The following TMEM217 variants were observed in gnomAD, a reference collection of about 807,000 sequenced individuals.
TMEM217 encodes chromosome 6 open reading frame 128.
For synonymous variants in TMEM217, 76 were observed against 88.3 expected (o/e 0.86, Z 0.78); for missense variants, 204 against 248.8 (o/e 0.82, Z 1.21).
chr6:37,239,204 A>G (rs1195350651), intron 1 of TMEM217, among the ~76,000 whole-genome samples: 1 of 151,066 alleles, frequency 6.6e-6, no homozygotes, highest in Non-Finnish European at 1.5e-5. Flanking sequence ...AAATTCAGTC[A>G]TGGGCTGGGC....
intron 1 of TMEM217, among the ~76,000 whole-genome samples, chr6:37,239,694 T>C (rs1764667804): frequency 6.6e-6 from 1 of 152,146 alleles, no homozygotes; most frequent in Non-Finnish European, 1.5e-5. Flanking sequence ...CAGTAGAATA[T>C]GTTGCTGCCA....
intron 1 of TMEM217, among the ~76,000 whole-genome samples, chr6:37,222,836 G>C (rs1763613050): frequency 6.6e-6 from 1 of 152,220 alleles, no homozygotes; most frequent in African/African-American, 2.4e-5. Context: ...GCTTCCACCG[G>C]CTCCATGGAG....
chr6:37,241,738 T>G (rs1044821476), intron 1 of TMEM217, among the ~76,000 whole-genome samples: 11 of 152,188 alleles, frequency 7.2e-5, no homozygotes, highest in African/African-American at 2.7e-4. Flanking sequence ...CAAATGGACA[T>G]TTTGTATATA....
At chr6:37,251,580 GATGTT>G (rs1765402561) in intron 1 of TMEM217, among the ~76,000 whole-genome samples, 1 of 152,166 alleles carries the variant, frequency 6.6e-6, no homozygotes, top group South Asian at 2.1e-4. Context: ...TGTACAGTAT[GATGTT>G]ATTTATAAAG....
chr6:37,222,956 T>C (rs567879124), intron 1 of TMEM217, among the ~76,000 whole-genome samples: 9 of 152,182 alleles, frequency 5.9e-5, no homozygotes, highest in Non-Finnish European at 1.2e-4. Flanking sequence ...ATAGAATTTC[T>C]AGAGATGAAA....
intron 1 of TMEM217, among the ~76,000 whole-genome samples, chr6:37,240,948 G>C (rs1351669154): frequency 1.3e-5 from 2 of 152,072 alleles, no homozygotes; most frequent in East Asian, 3.9e-4. Context: ...GTATCTTATT[G>C]ATTATTCCTA....
intron 1 of TMEM217, among the ~76,000 whole-genome samples, chr6:37,223,675 AT>A (rs1562005685): frequency 6.6e-6 from 1 of 151,660 alleles, no homozygotes; most frequent in East Asian, 1.9e-4. Context: ...TGCCCAGCTA[AT>A]TTTTGCATTT....
intron 1 of TMEM217, among the ~76,000 whole-genome samples, chr6:37,229,712 G>A (rs765682308): frequency 1.3e-4 from 20 of 152,202 alleles, no homozygotes; most frequent in Non-Finnish European, 2.5e-4. Flanking sequence ...CTAAGTTACA[G>A]CCATCTATAG....
intron 1 of TMEM217, among the ~76,000 whole-genome samples, chr6:37,252,830 G>A (rs553183572): frequency 5.3e-5 from 8 of 151,378 alleles, no homozygotes; most frequent in Admixed American, 5.3e-4. Context: ...GATAGAGATG[G>A]GGTTTTGTCA....
intron 1 of TMEM217, among the ~76,000 whole-genome samples, chr6:37,231,780 A>G (rs1359306579): frequency 6.7e-6 from 1 of 148,522 alleles, no homozygotes; most frequent in African/African-American, 2.5e-5. Context: ...TATTTTTTCA[A>G]TGTAGAGATA....
chr6:37,223,014 G>A (rs1054294727), intron 1 of TMEM217, among the ~76,000 whole-genome samples: 3 of 152,194 alleles, frequency 2.0e-5, no homozygotes, highest in Non-Finnish European at 4.4e-5. Context: ...ATGGTAGCAG[G>A]TTGGACACAG....
chr6:37,212,831 C>T (rs1385059706), downstream of TMEM217: 1 of 1,055,370 alleles, frequency 9.5e-7, no homozygotes, highest in East Asian at 2.6e-5. Context: ...GTGACTAGCT[C>T]CGACTTTGAG....
In TMEM217 at chr6:37,247,924, A is replaced by T. The variant is rs1001855446; in HGVS notation, c.-12+9644T>A. Among the ~76,000 whole-genome samples the T allele has an allele frequency of 1.7e-3, 265 of 152,286 alleles. 1 individual carries two copies. Among genetic ancestry groups the T allele is most frequent in the African/African-American group, 6.2e-3 (257 of 41,554 alleles). On this transcript the variant is annotated intron_variant, in intron 1 of 1. Transcript: ENST00000357219. Reference sequence around the variant, plus strand: ...CATAGTTCTCGGGAGATGGGGGAAGAGCCTTCAGGCACATGAAGAGGATGA... The same window carrying T: ...CATAGTTCTCGGGAGATGGGGGAAGTGCCTTCAGGCACATGAAGAGGATGA...
intron 1 of TMEM217, 62 bp from the exon 2 acceptor site, chr6:37,219,103 G>A (rs772297697): frequency 2.8e-6 from 4 of 1,430,076 alleles, no homozygotes; most frequent in Non-Finnish European, 3.8e-6. Flanking sequence ...AATTACCAGG[G>A]TTTCTGCCTC....
At chr6:37,212,655 C>T, downstream of TMEM217, 1 of 563,738 alleles carries the variant, frequency 1.8e-6, no homozygotes, top group Non-Finnish European at 3.4e-6. Flanking sequence ...CGTTGAGGAG[C>T]AGGACTATGG....
At chr6:37,217,757 C>A (rs908915598) in exon 2 of TMEM217, 1 of 985,286 alleles carries the variant, frequency 1.0e-6, no homozygotes, top group African/African-American at 1.7e-5. Flanking sequence ...CTGCAAAAAT[C>A]TGGTATAAAT....
intron 1 of TMEM217, among the ~76,000 whole-genome samples, chr6:37,252,750 C>G (rs1286772708): frequency 6.6e-6 from 1 of 150,950 alleles, no homozygotes; most frequent in Non-Finnish European, 1.5e-5. Flanking sequence ...AGTGATCCTC[C>G]CACCTCAGCC....
At chr6:37,255,016 T>G (rs1318279051) in intron 1 of TMEM217, among the ~76,000 whole-genome samples, 2 of 152,202 alleles carry the variant, frequency 1.3e-5, no homozygotes, top group African/African-American at 4.8e-5. Flanking sequence ...GCTGCTGATC[T>G]GACAGGAGGC....
At chr6:37,236,752 C>G (rs1764529356) in intron 1 of TMEM217, among the ~76,000 whole-genome samples, 1 of 151,994 alleles carries the variant, frequency 6.6e-6, no homozygotes, top group East Asian at 1.9e-4. Context: ...TGAATGGATT[C>G]TGTGGGTGAG....
Sources: gnomAD v4.1 joint callset for allele counts (sites outside exome capture counted in the v4.1 genomes callset) on GRCh38, gnomAD v4.1.1 for gene constraint, MANE v1.5 for transcripts, NCBI Gene and HGNC (gene_info 2026-07-23, HGNC 2026-07-21) for gene names.